ENTHD1: variants seen among roughly 807,000 people sequenced by gnomAD.
ENTHD1 encodes the protein ENTH domain containing 1, also known as ENTH domain-containing protein 1.
ENTHD1 carries 23 observed loss-of-function variants against 39.1 expected under a neutral mutation model. That is an observed-to-expected ratio of 0.59 (90% CI 0.42 to 0.83). The LOEUF (loss-of-function observed/expected upper bound fraction) is 0.83. Among genes scored for constraint, ENTHD1 ranks in the 40% least tolerant of loss-of-function variants. The probability of loss-of-function intolerance (pLI) is 0.00; values close to 1 mark genes in which losing one functional copy is unlikely to be tolerated. For missense variants in ENTHD1, 624 were observed against 705.4 expected, an observed-to-expected ratio of 0.88 and a Z score of 1.31; for synonymous variants, 230 against 258.2, an observed-to-expected ratio of 0.89 and a Z score of 1.05.
chr22:39,753,103 G>T (rs1373421462), intron 6 of ENTHD1, among the ~76,000 whole-genome samples: 1 of 152,118 alleles, frequency 6.6e-6, no homozygotes, highest in Non-Finnish European at 1.5e-5. Context: ...TAGGAAAAAA[G>T]GATGAAGGCA....
chr22:39,869,983 C>CTTCATTTA (rs141244370), intron 2 of ENTHD1, among the ~76,000 whole-genome samples: 2 of 140,630 alleles, frequency 1.4e-5, no homozygotes, highest in Non-Finnish European at 3.1e-5. Flanking sequence ...GAGAACAGTA[C>CTTCATTTA]TTTATTTATT....
intron 5 of ENTHD1, among the ~76,000 whole-genome samples, chr22:39,771,206 C>T (rs1044049133): frequency 6.6e-6 from 1 of 151,956 alleles, no homozygotes; most frequent in African/African-American, 2.4e-5. Flanking sequence ...CTGTAGATAA[C>T]AGCCAGAAAA....
At chr22:39,844,522 T>C (rs560016498) in intron 3 of ENTHD1, among the ~76,000 whole-genome samples, 1 of 152,122 alleles carries the variant, frequency 6.6e-6, no homozygotes, top group Non-Finnish European at 1.5e-5. Flanking sequence ...GATAGCAAAA[T>C]GAAACTGCAA....
intron 3 of ENTHD1, among the ~76,000 whole-genome samples, chr22:39,856,106 C>G (rs2066083116): frequency 6.6e-6 from 1 of 152,056 alleles, no homozygotes; most frequent in Admixed American, 6.5e-5. Context: ...GAAACCCCGT[C>G]TCTACTAAAA....
At position 39,765,455 on chromosome 22, in the gene ENTHD1, C is replaced by T. The variant is rs769994074; in HGVS notation, c.987G>A (p.Leu329=). The T allele has an allele frequency of 6.2e-7, 1 of 1,613,846 alleles. No individual in the cohort carries two copies. The change falls in exon 6 of 7, where the codon TTG becomes TTA. Residue 329 remains leucine (L), a synonymous_variant. Coordinates refer to ENST00000325157, the MANE Select transcript of ENTHD1 (RefSeq NM_152512.4). Reference sequence around the variant, plus strand: ...TTGACCAACATGCTGGTAAAATTGTCAATGTTTTAAGACCTTCTGCAGCTG... The same window carrying T: ...TTGACCAACATGCTGGTAAAATTGTTAATGTTTTAAGACCTTCTGCAGCTG... ...KQSAAEGLKT[L]TILPACWSSK... is the part of the protein sequence containing the mutation.
intron 5 of ENTHD1, among the ~76,000 whole-genome samples, chr22:39,799,229 C>T (rs947262670): frequency 2.0e-5 from 3 of 152,158 alleles, no homozygotes; most frequent in Admixed American, 6.5e-5. Context: ...TCGGCCCTAC[C>T]GCAATTGCGG....
At chr22:39,790,456 T>C (rs2065494763) in intron 5 of ENTHD1, among the ~76,000 whole-genome samples, 1 of 152,158 alleles carries the variant, frequency 6.6e-6, no homozygotes, top group Non-Finnish European at 1.5e-5. Flanking sequence ...CTATTCCAGG[T>C]GGCTATTTTT....
chr22:39,758,527 T>G (rs904419350), intron 6 of ENTHD1, among the ~76,000 whole-genome samples: 3 of 152,154 alleles, frequency 2.0e-5, no homozygotes, highest in Non-Finnish European at 4.4e-5. Flanking sequence ...TGGGCTCAAG[T>G]GACCTTCCCA....
chr22:39,784,543 TACACACACACAC>T (rs3044403), intron 5 of ENTHD1, among the ~76,000 whole-genome samples: 86 of 142,362 alleles, frequency 6.0e-4, no homozygotes, highest in African/African-American at 2.2e-3. Flanking sequence ...TCTCTCTGTA[TACACACACACAC>T]ACACACACAC....
At chr22:39,744,398 C>T (rs1365527603) in intron 6 of ENTHD1, 115 bp from the exon 7 acceptor site, 2 of 954,766 alleles carry the variant, frequency 2.1e-6, no homozygotes, top group Non-Finnish European at 2.9e-6. Flanking sequence ...AAATAAACTG[C>T]TTAGAATTTT....
chr22:39,798,120 T>C (rs2065565704), intron 5 of ENTHD1, among the ~76,000 whole-genome samples: 1 of 152,110 alleles, frequency 6.6e-6, no homozygotes. Context: ...TTGTTTGTTC[T>C]TTTTAAAAAT....
chr22:39,853,655 C>G (rs374751112), intron 3 of ENTHD1, among the ~76,000 whole-genome samples: 1 of 152,166 alleles, frequency 6.6e-6, no homozygotes, highest in Non-Finnish European at 1.5e-5. Flanking sequence ...CTCACTGCAA[C>G]GTCTGCCTCC....
At chr22:39,888,256 C>A (rs925375547) in intron 1 of ENTHD1, among the ~76,000 whole-genome samples, 3 of 128,552 alleles carry the variant, frequency 2.3e-5, no homozygotes, top group Non-Finnish European at 4.9e-5. Flanking sequence ...TTCTTTCTTT[C>A]TTTCTTTTTT....
chr22:39,786,306 G>A (rs1394048413), intron 5 of ENTHD1, among the ~76,000 whole-genome samples: 3 of 152,036 alleles, frequency 2.0e-5, no homozygotes, highest in South Asian at 2.1e-4. Context: ...TGTTTTGATC[G>A]TATATACATC....
chr22:39,821,952 C>T (rs1316106759), intron 4 of ENTHD1, among the ~76,000 whole-genome samples: 1 of 152,180 alleles, frequency 6.6e-6, no homozygotes, highest in Non-Finnish European at 1.5e-5. Flanking sequence ...CCTCCTAATA[C>T]CATCACTTTG....
rs1035243505 is a variant in ENTHD1, at chr22:39,764,715, G to GT, written c.1219+507dup. 5.3e-5 allele frequency among the ~76,000 whole-genome samples: 8 copies of GT among 150,628 alleles called. No individual in the cohort carries two copies. In the East Asian group the frequency reaches 5.8e-4, roughly 11 times the overall value. ...TAAACAATACTGCAATCTTCTTAAGGTTTTTTATATCTTTATAATATAAAA... is the reference window on the plus strand; with the variant it reads ...TAAACAATACTGCAATCTTCTTAAGGTTTTTTTATATCTTTATAATATAAAA... On this transcript the variant is annotated intron_variant, in intron 6 of 6. Transcript: ENST00000325157.
intron 2 of ENTHD1, among the ~76,000 whole-genome samples, chr22:39,884,449 G>A (rs1195266814): frequency 6.6e-6 from 1 of 151,954 alleles, no homozygotes; most frequent in Non-Finnish European, 1.5e-5. Flanking sequence ...CAAAGGGCTG[G>A]GATTATAGGC....
intron 6 of ENTHD1, among the ~76,000 whole-genome samples, chr22:39,763,482 A>G (rs992009122): frequency 5.3e-5 from 8 of 152,142 alleles, no homozygotes; most frequent in African/African-American, 1.9e-4. Flanking sequence ...GCTCAGTGAG[A>G]CTGCGGAAAG....
At chr22:39,764,608 G>A (rs981429931) in intron 6 of ENTHD1, among the ~76,000 whole-genome samples, 1 of 151,770 alleles carries the variant, frequency 6.6e-6, no homozygotes, top group Non-Finnish European at 1.5e-5. Context: ...AAAGTAGAAA[G>A]CATAATTATA....
Sources: gnomAD v4.1 joint callset for allele counts (sites outside exome capture counted in the v4.1 genomes callset) on GRCh38, gnomAD v4.1.1 for gene constraint, MANE v1.5 for transcripts, NCBI Gene and HGNC (gene_info 2026-07-23, HGNC 2026-07-21) for gene names.